Variants in TNR observed in about 807,000 individuals in gnomAD.
TNR encodes the protein tenascin-R.
Under a neutral mutation model 150.4 loss-of-function variants are expected in TNR, and 45 were observed. The observed-to-expected ratio is 0.30, with a 90% CI of 0.24 to 0.38. The LOEUF is 0.38. Ranked by LOEUF, TNR falls within the 10% of genes least tolerant of loss-of-function variation. The pLI, the probability that TNR is intolerant of heterozygous loss-of-function variation, is 1.00. For synonymous variants in TNR, 687 were observed against 678.4 expected (o/e 1.01, Z -0.20); for missense variants, 1,544 against 1,759.1 (o/e 0.88, Z 2.19).
rs76287544 is a variant in TNR at position 175,410,337 on chromosome 1, A to G, written c.-63-3560T>C. Among the ~76,000 whole-genome samples the G allele has an allele frequency of 1.3e-3, 199 of 152,316 alleles. 2 individuals are homozygous for G. The East Asian group carries it at 0.029, about 22-fold the overall frequency. The stretch of plus-strand genomic sequence containing the variant: ...ATAGATGGTCACTGTTCTCAAATGC[A>G]TCCACATATCAAACATGTATTATGC... On this transcript the variant is annotated intron_variant, in intron 2 of 22. Transcript: ENST00000367674.
chr1:175,619,976 T>C (rs543905677), intron 1 of TNR, among the ~76,000 whole-genome samples: 2 of 152,308 alleles, frequency 1.3e-5, no homozygotes, highest in South Asian at 4.1e-4. Flanking sequence ...ATCTATAAAA[T>C]GGGATTAATA....
rs112440973 is a variant in TNR, at chr1:175,523,017, G to A, written c.-64+5252C>T. 1.5e-3 allele frequency among the ~76,000 whole-genome samples: 233 copies of A among 152,226 alleles called. 1 individual carries two copies. Among genetic ancestry groups the A allele is most frequent in the Non-Finnish European group, 1.4e-3 (93 of 68,006 alleles). On this transcript the variant is annotated intron_variant, in intron 2 of 22. Coordinates refer to ENST00000367674, the MANE Select transcript of TNR (RefSeq NM_003285.3). The stretch of plus-strand genomic sequence containing the variant: ...AATTTGTATCTGCACATTGACCTTC[G>A]GGACTCTGCACGTGGGTCCCATCAT...
chr1:175,439,781 T>A (rs1039438362), intron 2 of TNR, among the ~76,000 whole-genome samples: 6 of 152,182 alleles, frequency 3.9e-5, no homozygotes, highest in African/African-American at 1.4e-4. Flanking sequence ...AAAGTGCTCA[T>A]CATCACTGGC....
At chr1:175,621,395 A>G (rs1663972197) in intron 1 of TNR, among the ~76,000 whole-genome samples, 2 of 151,892 alleles carry the variant, frequency 1.3e-5, no homozygotes, top group Non-Finnish European at 1.5e-5. Flanking sequence ...GCTTCCCTTC[A>G]TGGATCTGAC....
intron 1 of TNR, among the ~76,000 whole-genome samples, chr1:175,645,275 G>A (rs1264367098): frequency 1.3e-5 from 2 of 152,026 alleles, no homozygotes; most frequent in Non-Finnish European, 2.9e-5. Context: ...AAAACAACAG[G>A]ATGAGACCAA....
At chr1:175,512,910 A>G (rs1446450652) in intron 2 of TNR, among the ~76,000 whole-genome samples, 1 of 152,204 alleles carries the variant, frequency 6.6e-6, no homozygotes, top group Non-Finnish European at 1.5e-5. Flanking sequence ...ACTTGCAACC[A>G]GAAGTTCTCT....
chr1:175,530,485 G>T (rs1476274833), intron 1 of TNR, among the ~76,000 whole-genome samples: 1 of 152,176 alleles, frequency 6.6e-6, no homozygotes, highest in Admixed American at 6.5e-5. Flanking sequence ...GAGTGCCTCA[G>T]TTGGGTGGTG....
At position 175,581,794 on chromosome 1, in the gene TNR, A is replaced by G. The variant is rs540010794; in HGVS notation, c.-164-53425T>C. On this transcript the variant is annotated intron_variant, in intron 1 of 22. Coordinates refer to ENST00000367674, the MANE Select transcript of TNR (RefSeq NM_003285.3). ...ACATGGCCCCTGCTAATAAAGAAAGATAAGGCTAGAAACTCAGTAACAAGT... is the reference window on the plus strand; with the variant it reads ...ACATGGCCCCTGCTAATAAAGAAAGGTAAGGCTAGAAACTCAGTAACAAGT... 2.7e-4 allele frequency among the ~76,000 whole-genome samples: 41 copies of G among 152,300 alleles called. No homozygotes were observed. The South Asian group carries it at 8.5e-3, about 32-fold the overall frequency.
chr1:175,536,394 C>T (rs915665153), intron 1 of TNR, among the ~76,000 whole-genome samples: 10 of 152,174 alleles, frequency 6.6e-5, no homozygotes, highest in African/African-American at 2.4e-4. Context: ...CCTGGGTGTC[C>T]TGGGCACTGA....
At chr1:175,501,064 C>A (rs1467889922) in intron 2 of TNR, among the ~76,000 whole-genome samples, 1 of 152,072 alleles carries the variant, frequency 6.6e-6, no homozygotes, top group African/African-American at 2.4e-5. Context: ...AGATCATGCC[C>A]ATCATTATGT....
chr1:175,331,157 T>TCTTC (rs1557868523), intron 20 of TNR, among the ~76,000 whole-genome samples: 1 of 109,784 alleles, frequency 9.1e-6, no homozygotes, highest in African/African-American at 3.6e-5. Context: ...CTTTCTTTCT[T>TCTTC]TTTCTTTCCT....
intron 1 of TNR, among the ~76,000 whole-genome samples, chr1:175,629,002 T>C (rs1664244055): frequency 6.6e-6 from 1 of 152,088 alleles, no homozygotes; most frequent in Non-Finnish European, 1.5e-5. Context: ...AGGGCTGGAG[T>C]GTAATAGCCC....
intron 2 of TNR, among the ~76,000 whole-genome samples, chr1:175,459,198 C>G (rs1358820222): frequency 6.6e-6 from 1 of 152,008 alleles, no homozygotes; most frequent in Non-Finnish European, 1.5e-5. Context: ...ATTATCACCA[C>G]CACCATCACC....
At chr1:175,361,675 G>A (rs1435250550) in intron 14 of TNR, among the ~76,000 whole-genome samples, 1 of 152,206 alleles carries the variant, frequency 6.6e-6, no homozygotes, top group Non-Finnish European at 1.5e-5. Flanking sequence ...ATTCTCCAGT[G>A]AAATTAAGCA....
intron 1 of TNR, among the ~76,000 whole-genome samples, chr1:175,554,948 C>T (rs952510143): frequency 3.3e-5 from 5 of 152,156 alleles, no homozygotes; most frequent in African/African-American, 7.2e-5. Context: ...ATCCAGCAGT[C>T]GGGAAGGGCT....
intron 15 of TNR, among the ~76,000 whole-genome samples, chr1:175,357,694 C>T (rs946429152): frequency 1.1e-4 from 17 of 152,170 alleles, no homozygotes; most frequent in African/African-American, 4.1e-4. Flanking sequence ...TCTTTCCCTC[C>T]ACACCTTGAC....
chr1:175,433,831 A>G lies in TNR; in HGVS notation c.-63-27054T>C, dbSNP rs1007802950. On this transcript the variant is annotated intron_variant, in intron 2 of 22. Coordinates refer to ENST00000367674, the MANE Select transcript of TNR (RefSeq NM_003285.3). ...GAAACAGGGGACAATTCACCCATCA[A>G]TCTATAAACATCAAGCCCATCCATT... Among the ~76,000 whole-genome samples the G allele has an allele frequency of 4.6e-5, 7 of 152,194 alleles. No homozygotes were observed. The South Asian group carries it at 1.2e-3, about 27-fold the overall frequency.
chr1:175,386,448 A>G, intron 7 of TNR, 147 bp from the exon 8 acceptor site: 1 of 910,708 alleles, frequency 1.1e-6, no homozygotes, highest in Non-Finnish European at 1.5e-6. Context: ...GGAAAATGAG[A>G]CACAGTAAGA....
chr1:175,450,098 A>G (rs12567562), intron 2 of TNR, among the ~76,000 whole-genome samples: 9,137 of 152,172 alleles, frequency 0.06, 454 homozygotes, highest in East Asian at 0.25. Flanking sequence ...ACTCTCCTGG[A>G]GGAGGGTCAG....
Sources: gnomAD v4.1 joint callset for allele counts (sites outside exome capture counted in the v4.1 genomes callset) on GRCh38, gnomAD v4.1.1 for gene constraint, MANE v1.5 for transcripts, NCBI Gene and HGNC (gene_info 2026-07-23, HGNC 2026-07-21) for gene names.